The following NCALD variants were observed in gnomAD, a reference collection of about 807,000 sequenced individuals.
NCALD encodes neurocalcin-delta.
Under a neutral mutation model 18.6 loss-of-function variants are expected in NCALD, and 10 were observed. That is an observed-to-expected ratio of 0.54 (90% confidence interval 0.33 to 0.91). NCALD has a LOEUF of 0.91. Among genes scored for constraint, NCALD ranks in the 40% least tolerant of loss-of-function variants. The pLI is 0.03. For missense variants in NCALD, 184 were observed against 247.6 expected (o/e 0.74, Z 1.72); for synonymous variants, 88 against 87.4 (o/e 1.01, Z -0.04).
At position 101,894,759 on chromosome 8, in the gene NCALD, C is replaced by T. The variant is rs529665326; in HGVS notation, c.-106-7532G>A. On this transcript the variant is annotated intron_variant, in intron 3 of 6. Coordinates refer to the NCALD transcript ENST00000311028. ...CCTCTACGGAAATAAACTAGAAAAT[C>T]TAGAAGAAATGGATAAATTCCTCAA... 2.3e-3 allele frequency among the ~76,000 whole-genome samples: 341 copies of T among 151,354 alleles called. 2 individuals carry two copies. Among genetic ancestry groups the T allele is most frequent in the African/African-American group, 7.9e-3 (322 of 40,754 alleles).
intron 1 of NCALD, among the ~76,000 whole-genome samples, chr8:102,103,540 GTTTTC>G (rs924306525): frequency 3.3e-5 from 5 of 152,092 alleles, no homozygotes; most frequent in African/African-American, 4.8e-5. Context: ...GGTTGTTTTT[GTTTTC>G]TTTTCTTCTC....
intron 1 of NCALD, among the ~76,000 whole-genome samples, chr8:102,085,819 T>A (rs1307896898): frequency 6.6e-6 from 1 of 151,354 alleles, no homozygotes; most frequent in Admixed American, 6.6e-5. Context: ...GTGGCAAAAA[T>A]TAGCTTGCTT....
chr8:102,031,867 G>A (rs1822685485), intron 1 of NCALD, among the ~76,000 whole-genome samples: 1 of 152,116 alleles, frequency 6.6e-6, no homozygotes. Flanking sequence ...ATCCCTGGAG[G>A]TGTAGTTCAT....
At chr8:101,735,308 A>G (rs1817027819) in intron 1 of NCALD, among the ~76,000 whole-genome samples, 1 of 152,182 alleles carries the variant, frequency 6.6e-6, no homozygotes, top group African/African-American at 2.4e-5. Context: ...CAGCTGTATA[A>G]GAATCTGTAT....
chr8:101,905,099 T>C (rs1191969062), intron 3 of NCALD, among the ~76,000 whole-genome samples: 1 of 152,244 alleles, frequency 6.6e-6, no homozygotes, highest in Admixed American at 6.5e-5. Context: ...TGAAATTCAG[T>C]GTTAACTGAG....
intron 2 of NCALD, among the ~76,000 whole-genome samples, chr8:101,979,858 C>T (rs899349755): frequency 6.6e-6 from 1 of 152,204 alleles, no homozygotes; most frequent in African/African-American, 2.4e-5. Flanking sequence ...CTTTCCCAGC[C>T]AGTCTAGATG....
At chr8:102,103,821 A>C (rs1462274951) in intron 1 of NCALD, among the ~76,000 whole-genome samples, 2 of 152,230 alleles carry the variant, frequency 1.3e-5, no homozygotes, top group Non-Finnish European at 2.9e-5. Context: ...GAAGAGAAAC[A>C]TTTTGGCATA....
chr8:101,766,909 TACATAC>T (rs1266420651), intron 1 of NCALD, among the ~76,000 whole-genome samples: 2 of 152,184 alleles, frequency 1.3e-5, no homozygotes, highest in Non-Finnish European at 2.9e-5. Context: ...TATATATGTA[TACATAC>T]ACATAATATA....
intron 3 of NCALD, among the ~76,000 whole-genome samples, chr8:101,913,130 A>G (rs1284874841): frequency 1.3e-5 from 2 of 152,202 alleles, no homozygotes; most frequent in African/African-American, 2.4e-5. Context: ...CCTTTCCAAG[A>G]CCATAAGCAG....
At chr8:101,968,654 G>A (rs1008069036) in intron 2 of NCALD, among the ~76,000 whole-genome samples, 1 of 151,992 alleles carries the variant, frequency 6.6e-6, no homozygotes, top group Non-Finnish European at 1.5e-5. Context: ...ACAAGGAAAG[G>A]GCTTGTAGTT....
At chr8:102,055,586 C>T (rs543527155) in intron 1 of NCALD, among the ~76,000 whole-genome samples, 45 of 152,346 alleles carry the variant, frequency 3.0e-4, no homozygotes, top group African/African-American at 1.0e-3. Context: ...CAAATGAACC[C>T]TTTTGATGGA....
intron 1 of NCALD, among the ~76,000 whole-genome samples, chr8:102,066,152 G>T (rs1824001618): frequency 6.6e-6 from 1 of 152,238 alleles, no homozygotes; most frequent in Non-Finnish European, 1.5e-5. Flanking sequence ...AGGCAGGCAG[G>T]CAGGCAAAGC....
intron 1 of NCALD, among the ~76,000 whole-genome samples, chr8:102,077,274 G>A (rs923743479): frequency 3.9e-5 from 6 of 152,156 alleles, no homozygotes; most frequent in Admixed American, 1.3e-4. Context: ...AGAACTGACT[G>A]TGATGATCAC....
At chr8:101,941,726 G>C (rs1818964209) in intron 2 of NCALD, among the ~76,000 whole-genome samples, 1 of 152,162 alleles carries the variant, frequency 6.6e-6, no homozygotes, top group African/African-American at 2.4e-5. Flanking sequence ...AGGGATGACA[G>C]GCTGACATGG....
At chr8:101,919,168 G>T (rs986770176) in intron 2 of NCALD, among the ~76,000 whole-genome samples, 2 of 152,102 alleles carry the variant, frequency 1.3e-5, no homozygotes, top group Non-Finnish European at 2.9e-5. Flanking sequence ...CATGGTACTA[G>T]TGCAAAAACA....
In NCALD at chr8:101,785,067, G is replaced by A. The variant is rs1812169783; in HGVS notation, c.-20+5795C>T. Among the ~76,000 whole-genome samples, 4 of 152,162 alleles carry A rather than the reference G, an allele frequency of 2.6e-5. No homozygotes were observed. In the South Asian group the frequency reaches 8.3e-4, roughly 32 times the overall value. ...GTGAATAAAGAGCCAGGACTCTGAA[G>A]CCAAATGCCTAGAGCTCTATTGTAT... On this transcript the variant is annotated intron_variant, in intron 1 of 3. Coordinates refer to ENST00000220931, the MANE Select transcript of NCALD (RefSeq NM_032041.3).
Position 101,943,979 on chromosome 8 carries a change from C to A in NCALD, c.-156-28121G>T, listed in dbSNP as rs369683435. ...AAAAAACAAAAAACAAACAAACAAA[C>A]AAAAAAAAACAGAAAAAAACAGGGG... On this transcript the variant is annotated intron_variant, in intron 2 of 6. Transcript: ENST00000311028. 1.0e-3 allele frequency among the ~76,000 whole-genome samples: 152 copies of A among 150,590 alleles called. 1 individual carries two copies. The highest frequency in any genetic ancestry group is 3.6e-3 in the African/African-American group (145 of 40,318).
intron 1 of NCALD, among the ~76,000 whole-genome samples, chr8:102,023,972 C>T (rs925724336): frequency 1.3e-5 from 2 of 152,184 alleles, no homozygotes; most frequent in Admixed American, 1.3e-4. Flanking sequence ...CTTTACATGG[C>T]AGTTTCACCC....
At chr8:101,754,096 TG>T (rs1017737029) in intron 1 of NCALD, among the ~76,000 whole-genome samples, 5 of 152,200 alleles carry the variant, frequency 3.3e-5, no homozygotes, top group African/African-American at 4.8e-5. Context: ...CTAACAGCCC[TG>T]GGGGGTGTGT....
Sources: allele counts gnomAD v4.1 joint callset (sites outside exome capture counted in the v4.1 genomes callset), GRCh38; gene constraint gnomAD v4.1.1; transcripts MANE v1.5; gene names NCBI Gene and HGNC (gene_info 2026-07-23, HGNC 2026-07-21).